Variants in MATK observed in about 807,000 individuals in gnomAD.
MATK encodes the protein megakaryocyte-associated tyrosine kinase.
In MATK, 41 loss-of-function variants were observed where a neutral mutation model predicts 59.8. The ratio of observed to expected loss-of-function variants is 0.69; its 90% CI spans 0.53 to 0.89. The LOEUF (loss-of-function observed/expected upper bound fraction) is 0.89, where lower values mean the gene tolerates loss of function less well. Among genes scored for constraint, MATK ranks in the 40% least tolerant of loss-of-function variants. The probability of loss-of-function intolerance (pLI) is 0.00; values close to 1 mark genes in which losing one functional copy is unlikely to be tolerated. For synonymous variants in MATK, 308 were observed against 306.1 expected, an observed-to-expected ratio of 1.01 and a Z score of -0.06; for missense variants, 593 against 719.6, an observed-to-expected ratio of 0.82 and a Z score of 2.01.
At chr19:3,800,412 G>A (rs1016691616) in intron 1 of MATK, among the ~76,000 whole-genome samples, 10 of 152,058 alleles carry the variant, frequency 6.6e-5, no homozygotes, top group South Asian at 4.1e-4. Flanking sequence ...TTGGGAGGCC[G>A]AGGAGGGCGA....
rs775241091 is a variant in MATK, at chr19:3,783,871, G to A, written c.525C>T (p.Asp175=). 13 of 1,613,062 alleles carry A rather than the reference G, an allele frequency of 8.1e-6. No homozygotes were observed. The highest frequency in any genetic ancestry group is 2.2e-5 in the South Asian group (2 of 91,078). Residue 175 remains aspartate (D), a synonymous_variant, in exon 6 of 14, where the codon GAC becomes GAT. Transcript: ENST00000310132. ...CGGCCTCATCGATTGTGAGGTGGCCGTCGCGGTGCAGCACGCGGTAGTGGA... is the reference window on the plus strand; with the variant it reads ...CGGCCTCATCGATTGTGAGGTGGCCATCGCGGTGCAGCACGCGGTAGTGGA... ...DVIHYRVLHR[D]GHLTIDEAVF...
At chr19:3,789,252 G>A (rs778753659), upstream of MATK, 18 of 772,040 alleles carry the variant, frequency 2.3e-5, no homozygotes, top group East Asian at 3.9e-4. Flanking sequence ...GGAAAACCCA[G>A]CCGCCTAATT....
At chr19:3,780,004 G>T (rs1485057770) in intron 8 of MATK, among the ~76,000 whole-genome samples, 6 of 152,358 alleles carry the variant, frequency 3.9e-5, no homozygotes, top group East Asian at 1.9e-4. Flanking sequence ...ATCTGGCTCT[G>T]GCGCGGTGGC....
chr19:3,788,214 C>T (rs2037507751), upstream of MATK, among the ~76,000 whole-genome samples: 2 of 151,470 alleles, frequency 1.3e-5, no homozygotes, highest in African/African-American at 2.4e-5. Flanking sequence ...GTAGGCTGGG[C>T]CCAGTGGCTC....
chr19:3,789,905 A>G (rs931066004), upstream of MATK, among the ~76,000 whole-genome samples: 19 of 146,728 alleles, frequency 1.3e-4, no homozygotes, highest in Admixed American at 4.1e-4. Context: ...TTGTATTTGT[A>G]TTTGTATTTT....
At chr19:3,778,662 C>G in intron 12 of MATK, 67 bp from the exon 13 acceptor site, 1 of 1,501,048 alleles carries the variant, frequency 6.7e-7, no homozygotes, top group Non-Finnish European at 9.0e-7. Context: ...CTGCTTCCTC[C>G]AGGAAGCCCT....
intron 1 of MATK, among the ~76,000 whole-genome samples, chr19:3,797,909 G>A (rs570698739): frequency 6.6e-6 from 1 of 152,150 alleles, no homozygotes; most frequent in Admixed American, 6.6e-5. Context: ...GGGCATGGTG[G>A]CTCATGCCTA....
rs141378989 is a variant in MATK at position 3,797,796 on chromosome 19, C to G, written c.-58+3736G>C. ...GTGGCTCACACCTGTAATCCCAGCACTTTAGGAGTCTGAGGCTGATGGGTC... is the reference window on the plus strand; with the variant it reads ...GTGGCTCACACCTGTAATCCCAGCAGTTTAGGAGTCTGAGGCTGATGGGTC... On this transcript the variant is annotated intron_variant, in intron 1 of 13. Coordinates refer to the MATK transcript ENST00000395045. Among the ~76,000 whole-genome samples, 786 of 152,172 alleles carry G rather than the reference C, an allele frequency of 5.2e-3. 9 individuals carry two copies. The highest frequency in any genetic ancestry group is 0.018 in the African/African-American group (732 of 41,532).
At chr19:3,799,481 G>A (rs1331019474) in intron 1 of MATK, among the ~76,000 whole-genome samples, 1 of 152,204 alleles carries the variant, frequency 6.6e-6, no homozygotes, top group African/African-American at 2.4e-5. Flanking sequence ...GAAACCACAT[G>A]AATGAAGGCC....
intron 1 of MATK, among the ~76,000 whole-genome samples, chr19:3,796,727 G>C (rs886675243): frequency 2.0e-5 from 3 of 152,194 alleles, no homozygotes; most frequent in Non-Finnish European, 4.4e-5. Context: ...TGTTTCTTGG[G>C]TGTGGGTCTC....
At chr19:3,797,093 G>A (rs1186446245) in intron 1 of MATK, among the ~76,000 whole-genome samples, 1 of 151,984 alleles carries the variant, frequency 6.6e-6, no homozygotes, top group Non-Finnish European at 1.5e-5. Context: ...TCTTTCCTGT[G>A]TTCTCTTCCT....
chr19:3,785,103 C>T lies in MATK; in HGVS notation c.33G>A (p.Arg11=). 1.2e-6 allele frequency: 2 copies of T among 1,614,090 alleles called. No homozygotes were observed. Among genetic ancestry groups the T allele is most frequent in the African/African-American group, 2.7e-5 (2 of 75,032 alleles). The change falls in exon 2 of 14, where the codon CGG becomes CGA. Residue 11 remains arginine (R), a synonymous_variant. Transcript: ENST00000310132. ...CAGCAGAATCACAGCCGTGAAATGC[C>T]CGCCAGGAAACCAGAGAGCCTCGCC... MAGRGSLVSW[R]AFHGCDSAEE...
Position 3,778,356 on chromosome 19 carries a change from C to T in MATK, c.1351G>A (p.Gly451Ser). Residue 451 changes from glycine (G) to serine (S), a missense_variant, in exon 14 of 14, where the codon GGC becomes AGC. Gly to Ser is a moderately conservative substitution (Grantham distance 56). Coordinates refer to ENST00000310132, the MANE Select transcript of MATK (RefSeq NM_139355.3). ...YRMEPPEGCPGPVHVLMSSCW... is the reference protein window; with the variant it reads ...YRMEPPEGCPSPVHVLMSSCW... ...CTGCTCATGAGGACGTGCACGGGGC[C>T]TGGACAGCCCTCGGGGGGTTCCATG... 8.8e-6 allele frequency: 14 copies of T among 1,598,614 alleles called. No homozygotes were observed. The highest frequency in any genetic ancestry group is 1.2e-5 in the Non-Finnish European group (14 of 1,173,810).
chr19:3,782,301 GC>G (rs2145751374), intron 7 of MATK, among the ~76,000 whole-genome samples: 1 of 152,252 alleles, frequency 6.6e-6, no homozygotes, highest in South Asian at 2.1e-4. Flanking sequence ...TCCAGAAAGT[GC>G]CCCCTCCAAA....
chr19:3,789,438 G>A (rs1003037075), upstream of MATK: 16 of 601,870 alleles, frequency 2.7e-5, no homozygotes, highest in African/African-American at 2.0e-4. Flanking sequence ...CAGTCCTCCC[G>A]AGGAGCCCCA....
intron 1 of MATK, among the ~76,000 whole-genome samples, chr19:3,801,245 G>T (rs2037640706): frequency 6.6e-6 from 1 of 152,218 alleles, no homozygotes. Context: ...GATCACCTGA[G>T]ACACCTTCTC....
At chr19:3,781,405 G>A (rs1008007351) in intron 8 of MATK, among the ~76,000 whole-genome samples, 2 of 152,262 alleles carry the variant, frequency 1.3e-5, no homozygotes, top group East Asian at 1.9e-4. Flanking sequence ...CTGAGCGCCT[G>A]CTTGAGTTCA....
In MATK at chr19:3,784,870, G is replaced by A. The variant is rs1168712045; in HGVS notation, c.87C>T (p.Phe29=). The change falls in exon 3 of 14, where the codon TTC becomes TTT. Residue 29 remains phenylalanine, a synonymous_variant. Coordinates refer to ENST00000310132, the MANE Select transcript of MATK (RefSeq NM_139355.3). ...CGGGAGGGGGGTGCCAGGCTCGGAG[G>A]AAGCGGGGGCTCACCTGGGGAGGGG... ...AEELPRVSPR[F]LRAWHPPPVS... 3 of 1,545,146 alleles carry A rather than the reference G, an allele frequency of 1.9e-6. No individual in the cohort carries two copies. The South Asian group carries it at 3.6e-5, about 18-fold the overall frequency.
In MATK at chr19:3,784,407, G is replaced by A. The variant is rs2037448659; in HGVS notation, c.177C>T (p.His59=). 1.2e-6 allele frequency: 2 copies of A among 1,603,576 alleles called. No homozygotes were observed. Among genetic ancestry groups the A allele is most frequent in the African/African-American group, 2.7e-5 (2 of 74,828 alleles). ...CCAGCTCCCCTGGCTTGGGGCGGGT[G>A]TGCTCGCATTTGGTGATACACTGGG... ...PGTQCITKCE[H]TRPKPGELAF... is the part of the protein sequence containing the mutation. Residue 59 remains histidine, a synonymous_variant, in exon 4 of 14, where the codon CAC becomes CAT. Transcript: ENST00000310132.
Sources: allele counts gnomAD v4.1 joint callset (sites outside exome capture counted in the v4.1 genomes callset), GRCh38; gene constraint gnomAD v4.1.1; transcripts MANE v1.5; gene names NCBI Gene and HGNC (gene_info 2026-07-23, HGNC 2026-07-21).